RORA: variants seen among roughly 807,000 people sequenced by gnomAD.
RORA encodes RAR related orphan receptor A.
Under a neutral mutation model 69.5 loss-of-function variants are expected in RORA, and 7 were observed. The observed-to-expected ratio is 0.10, with a 90% CI of 0.06 to 0.19. The LOEUF (loss-of-function observed/expected upper bound fraction) is 0.19, where lower values mean the gene tolerates loss of function less well. Ranked by LOEUF, RORA falls within the 10% of genes least tolerant of loss-of-function variation. RORA has a pLI of 1.00. For missense variants in RORA, 457 were observed against 663.0 expected, an observed-to-expected ratio of 0.69 and a Z score of 3.41; for synonymous variants, 261 against 240.8, an observed-to-expected ratio of 1.08 and a Z score of -0.78.
intron 2 of RORA, among the ~76,000 whole-genome samples, chr15:60,642,717 CAA>C (rs1567138594): frequency 6.6e-6 from 1 of 151,790 alleles, no homozygotes; most frequent in Non-Finnish European, 1.5e-5. Context: ...AAAAAATTTA[CAA>C]AAAAAATTTA....
intron 1 of RORA, among the ~76,000 whole-genome samples, chr15:60,795,316 C>G (rs150404972): frequency 1.3e-4 from 20 of 152,302 alleles, no homozygotes; most frequent in African/African-American, 4.3e-4. Context: ...CCTGTGCTCA[C>G]CACGAAACAA....
At chr15:61,042,748 G>T (rs1333939789) in intron 1 of RORA, among the ~76,000 whole-genome samples, 1 of 152,170 alleles carries the variant, frequency 6.6e-6, no homozygotes, top group African/African-American at 2.4e-5. Flanking sequence ...CTGCTTCTTT[G>T]GGAATTGCCA....
chr15:60,629,631 T>C (rs1421283484), intron 2 of RORA, among the ~76,000 whole-genome samples: 1 of 152,132 alleles, frequency 6.6e-6, no homozygotes, highest in East Asian at 1.9e-4. Flanking sequence ...GTGAACTGGG[T>C]AGGCAGATGG....
At chr15:61,015,489 G>T (rs1895248565) in intron 1 of RORA, among the ~76,000 whole-genome samples, 1 of 151,888 alleles carries the variant, frequency 6.6e-6, no homozygotes, top group Non-Finnish European at 1.5e-5. Flanking sequence ...AAAAATGTTT[G>T]GAAGAAAGGC....
chr15:60,611,559 C>CAAAAAA (rs533598270), intron 2 of RORA, among the ~76,000 whole-genome samples: 2,041 of 35,746 alleles, frequency 0.057, 686 homozygotes, highest in East Asian at 0.11. Flanking sequence ...TTGAGTTTTG[C>CAAAAAA]AAAAAAAAAA....
At chr15:60,729,735 T>G (rs572978625) in intron 1 of RORA, among the ~76,000 whole-genome samples, 2 of 152,350 alleles carry the variant, frequency 1.3e-5, no homozygotes, top group East Asian at 3.9e-4. Context: ...CCCAACTGGA[T>G]TGTAATCATT....
At chr15:60,735,614 G>T (rs2071486595) in intron 1 of RORA, among the ~76,000 whole-genome samples, 1 of 151,904 alleles carries the variant, frequency 6.6e-6, no homozygotes, top group Non-Finnish European at 1.5e-5. Context: ...GCCTCCAGAA[G>T]AGACAAGGTA....
intron 1 of RORA, among the ~76,000 whole-genome samples, chr15:61,053,550 C>T (rs560189510): frequency 7.2e-4 from 109 of 152,082 alleles, no homozygotes; most frequent in Middle Eastern, 6.8e-3. Flanking sequence ...CCAGGATGAC[C>T]CTCCTGATTT....
intron 1 of RORA, among the ~76,000 whole-genome samples, chr15:60,714,063 T>A (rs1241652824): frequency 6.6e-6 from 1 of 151,948 alleles, no homozygotes; most frequent in African/African-American, 2.4e-5. Flanking sequence ...TCTCTCTTTT[T>A]TTTTTTTCGA....
At chr15:60,841,896 TG>T (rs775083826) in intron 1 of RORA, among the ~76,000 whole-genome samples, 9 of 152,196 alleles carry the variant, frequency 5.9e-5, no homozygotes, top group Admixed American at 5.9e-4. Context: ...TGAATCAATG[TG>T]CCAAGCAGTG....
chr15:61,089,919 G>C (rs2078680947), intron 1 of RORA, among the ~76,000 whole-genome samples: 1 of 152,180 alleles, frequency 6.6e-6, no homozygotes, highest in Non-Finnish European at 1.5e-5. Context: ...TGACCATTCT[G>C]AGGGTAGATA....
At chr15:60,681,241 A>G (rs2070638641) in intron 1 of RORA, among the ~76,000 whole-genome samples, 1 of 152,218 alleles carries the variant, frequency 6.6e-6, no homozygotes, top group Non-Finnish European at 1.5e-5. Flanking sequence ...TAATTGGCAT[A>G]ATAAGACATT....
chr15:60,564,057 G>A (rs1352663396), intron 2 of RORA, among the ~76,000 whole-genome samples: 2 of 152,142 alleles, frequency 1.3e-5, no homozygotes, highest in Non-Finnish European at 2.9e-5. Flanking sequence ...TTTATATCCA[G>A]ATAATGAATC....
intron 1 of RORA, among the ~76,000 whole-genome samples, chr15:60,810,243 C>A (rs1431658117): frequency 6.6e-6 from 1 of 152,176 alleles, no homozygotes; most frequent in African/African-American, 2.4e-5. Context: ...ATAGAGAATT[C>A]TACACTGGAA....
intron 1 of RORA, among the ~76,000 whole-genome samples, chr15:61,137,562 AGC>A (rs2140857880): frequency 2.1e-4 from 1 of 4,870 alleles, no homozygotes; most frequent in African/African-American, 2.2e-4. Context: ...AGCTTGCAGC[AGC>A]AGTCACAGAG....
chr15:60,955,260 C>A (rs536917309), intron 1 of RORA, among the ~76,000 whole-genome samples: 1 of 152,302 alleles, frequency 6.6e-6, no homozygotes, highest in African/African-American at 2.4e-5. Flanking sequence ...CGAGATTGTG[C>A]CACTGCACTC....
chr15:60,675,693 A>G (rs77455393), intron 2 of RORA, among the ~76,000 whole-genome samples: 2,109 of 152,272 alleles, frequency 0.014, 60 homozygotes, highest in African/African-American at 0.048. Flanking sequence ...AAGTCACCCA[A>G]AACATTTATT....
In RORA at chr15:60,772,221, C is replaced by A. The variant is rs539488208; in HGVS notation, c.167-93535G>T. ...ATCCCTCCCCCAGGCCCCCACCCCC[C>A]TGACAGGCCGCGGTGTGTGATGTTC... On this transcript the variant is annotated intron_variant, in intron 1 of 10. Coordinates refer to ENST00000335670, the MANE Select transcript of RORA (RefSeq NM_134261.3). 6.9e-3 allele frequency among the ~76,000 whole-genome samples: 1,052 copies of A among 152,158 alleles called. 12 individuals are homozygous for A. Among genetic ancestry groups the A allele is most frequent in the African/African-American group, 0.024 (1,009 of 41,492 alleles).
At chr15:60,824,143 G>A (rs149639899) in intron 1 of RORA, among the ~76,000 whole-genome samples, 3 of 152,188 alleles carry the variant, frequency 2.0e-5, no homozygotes, top group Non-Finnish European at 4.4e-5. Flanking sequence ...GAGTTCCAAG[G>A]AAGAGATCTG....
Sources: allele counts gnomAD v4.1 joint callset (sites outside exome capture counted in the v4.1 genomes callset), GRCh38; gene constraint gnomAD v4.1.1; transcripts MANE v1.5; gene names NCBI Gene and HGNC (gene_info 2026-07-23, HGNC 2026-07-21).